Variants in GRAMD2B observed in about 807,000 individuals in gnomAD.
GRAMD2B encodes GRAM domain-containing protein 2B.
GRAMD2B carries 41 observed loss-of-function variants against 59.2 expected under a neutral mutation model. The observed-to-expected ratio is 0.69, with a 90% CI of 0.54 to 0.90. GRAMD2B has a LOEUF of 0.90. Among genes scored for constraint, GRAMD2B ranks in the 40% least tolerant of loss-of-function variants. The pLI, the probability that GRAMD2B is intolerant of heterozygous loss-of-function variation, is 0.00. For synonymous variants in GRAMD2B, 161 were observed against 182.7 expected (o/e 0.88, Z 0.96); for missense variants, 424 against 500.5 (o/e 0.85, Z 1.46).
intron 13 of GRAMD2B, among the ~76,000 whole-genome samples, chr5:126,491,803 G>T (rs1382977282): frequency 6.6e-6 from 1 of 151,528 alleles, no homozygotes; most frequent in African/African-American, 2.4e-5. Flanking sequence ...CCGCAATCTT[G>T]GCTCACTGCA....
chr5:126,401,066 A>G (rs1170881213), intron 1 of GRAMD2B, among the ~76,000 whole-genome samples: 4 of 152,044 alleles, frequency 2.6e-5, no homozygotes, highest in African/African-American at 7.2e-5. Flanking sequence ...CTCGTAATGC[A>G]TATATAGGTT....
chr5:126,379,620 C>T (rs190425792), intron 1 of GRAMD2B, among the ~76,000 whole-genome samples: 56 of 152,126 alleles, frequency 3.7e-4, no homozygotes, highest in Admixed American at 3.2e-3. Flanking sequence ...AAGGTGGTAT[C>T]GCATTGTGGT....
rs559268889 is a variant in GRAMD2B, at chr5:126,493,092, T to A, written c.*136T>A. 66 of 652,574 alleles carry A rather than the reference T, an allele frequency of 1.0e-4. No individual in the cohort carries two copies. The highest frequency in any genetic ancestry group is 1.7e-4 in the Non-Finnish European group (63 of 361,364). The allele number at this position is 652,574 out of a possible 1,614,324, so 40.4% of individuals were successfully genotyped here. A position where few individuals can be genotyped will look rare whatever the true frequency, so the allele number is the denominator to read the frequency against. ...AGAATCCAGACATTGCATGTGGAGG[T>A]CTCCAGCTCAGGAAAGTGAGGAGGG... On this transcript the variant is annotated 3_prime_UTR_variant, in exon 14 of 14. Transcript: ENST00000285689.
intron 2 of GRAMD2B, among the ~76,000 whole-genome samples, chr5:126,466,113 T>TA (rs1411439559): frequency 6.6e-6 from 1 of 152,180 alleles, no homozygotes; most frequent in Non-Finnish European, 1.5e-5. Context: ...TTGGGGCACT[T>TA]AAAAGATAGC....
intron 1 of GRAMD2B, among the ~76,000 whole-genome samples, chr5:126,375,851 G>C (rs2408631): frequency 0.79 from 120,863 of 152,176 alleles, 49,092 homozygotes; most frequent in Non-Finnish European, 0.88. Flanking sequence ...AGTTTTCCAA[G>C]AGGTTGTTAA....
At chr5:126,432,195 C>G (rs1463110462) in intron 1 of GRAMD2B, among the ~76,000 whole-genome samples, 1 of 152,174 alleles carries the variant, frequency 6.6e-6, no homozygotes, top group Non-Finnish European at 1.5e-5. Flanking sequence ...TCCCAAAGTG[C>G]TGGGATTACA....
Position 126,487,082 on chromosome 5 carries a change from C to T in GRAMD2B, c.1163+105C>T, listed in dbSNP as rs577737265. The stretch of plus-strand genomic sequence containing the variant: ...AGTAAACATTAATTGGAGATACATT[C>T]TGTATGTGACATTTTGTTAAGTGTA... On this transcript the variant is annotated intron_variant, in intron 12 of 13. Coordinates refer to ENST00000285689, the MANE Select transcript of GRAMD2B (RefSeq NM_023927.4). 100 of 667,798 alleles carry T rather than the reference C, an allele frequency of 1.5e-4. No homozygotes were observed. In the African/African-American group the frequency reaches 1.6e-3, roughly 11 times the overall value. 41.4% of individuals were successfully genotyped at this position (667,798 alleles called of 1,614,324 possible).
chr5:126,483,625 C>A, intron 9 of GRAMD2B, 51 bp downstream of exon 9: 1 of 900,178 alleles, frequency 1.1e-6, no homozygotes, highest in South Asian at 1.4e-5. Flanking sequence ...CTCAAAACAT[C>A]CTCACCCCAC....
At chr5:126,484,362 T>A (rs371887670) in intron 9 of GRAMD2B, 40 bp from the exon 10 acceptor site, 1 of 1,600,000 alleles carries the variant, frequency 6.3e-7, no homozygotes. Flanking sequence ...TTTAAATACA[T>A]TGGAGAGAAC....
chr5:126,443,531 C>G (rs1763651656), intron 1 of GRAMD2B, among the ~76,000 whole-genome samples: 1 of 152,170 alleles, frequency 6.6e-6, no homozygotes, highest in African/African-American at 2.4e-5. Context: ...AGAGTCCTCC[C>G]ACATCCTCTT....
chr5:126,392,518 A>C (rs1276548139), intron 1 of GRAMD2B, among the ~76,000 whole-genome samples: 1 of 152,162 alleles, frequency 6.6e-6, no homozygotes, highest in Non-Finnish European at 1.5e-5. Flanking sequence ...GGCACTCTCT[A>C]ACCAATACAT....
Position 126,455,543 on chromosome 5 carries a change from G to A in GRAMD2B, c.84-9883G>A, listed in dbSNP as rs958294420. Among the ~76,000 whole-genome samples the A allele has an allele frequency of 2.6e-5, 4 of 152,120 alleles. No homozygotes were observed. In the Middle Eastern group the frequency reaches 0.014, roughly 521 times the overall value. ...CTTATGGCATCTCTGACTCCAAATT[G>A]TATGTATCCAGCACAAATCTCAATC... On this transcript the variant is annotated intron_variant, in intron 1 of 13. Transcript: ENST00000285689.
intron 1 of GRAMD2B, among the ~76,000 whole-genome samples, chr5:126,439,233 T>C (rs1458789371): frequency 1.3e-5 from 2 of 152,070 alleles, no homozygotes; most frequent in Admixed American, 6.5e-5. Context: ...CTGCAAGAGG[T>C]TGGACTTTCC....
At chr5:126,425,108 T>G (rs1760379370) in intron 1 of GRAMD2B, among the ~76,000 whole-genome samples, 1 of 152,230 alleles carries the variant, frequency 6.6e-6, no homozygotes, top group Non-Finnish European at 1.5e-5. Flanking sequence ...CTAGTCAGCA[T>G]GCACATCTTT....
intron 1 of GRAMD2B, among the ~76,000 whole-genome samples, chr5:126,377,881 A>G (rs1418572894): frequency 1.3e-5 from 2 of 152,196 alleles, no homozygotes; most frequent in Non-Finnish European, 2.9e-5. Context: ...AATTTTTCCA[A>G]TCATCAGATA....
chr5:126,492,689 C>A (rs1259588402), intron 13 of GRAMD2B, among the ~76,000 whole-genome samples: 2 of 152,126 alleles, frequency 1.3e-5, no homozygotes, highest in African/African-American at 4.8e-5. Flanking sequence ...TCACTGCATT[C>A]CAGCCTGGGT....
intron 1 of GRAMD2B, among the ~76,000 whole-genome samples, chr5:126,418,226 T>G (rs1205985954): frequency 6.6e-6 from 1 of 152,122 alleles, no homozygotes; most frequent in Non-Finnish European, 1.5e-5. Flanking sequence ...ACAGGGACCC[T>G]CCCAATTCAC....
chr5:126,405,393 G>A (rs987890616), intron 1 of GRAMD2B, among the ~76,000 whole-genome samples: 1 of 151,906 alleles, frequency 6.6e-6, no homozygotes, highest in Non-Finnish European at 1.5e-5. Flanking sequence ...TATCAGTTGT[G>A]TGATTTGGGT....
intron 1 of GRAMD2B, among the ~76,000 whole-genome samples, chr5:126,447,689 AAG>A (rs1431826164): frequency 6.6e-6 from 1 of 151,530 alleles, no homozygotes; most frequent in Non-Finnish European, 1.5e-5. Flanking sequence ...AAAAAAAAGA[AAG>A]AGATCAGAAA....
Sources: gnomAD v4.1 joint callset for allele counts (sites outside exome capture counted in the v4.1 genomes callset) on GRCh38, gnomAD v4.1.1 for gene constraint, MANE v1.5 for transcripts, NCBI Gene and HGNC (gene_info 2026-07-23, HGNC 2026-07-21) for gene names.